CWH43: variants seen among roughly 807,000 people sequenced by gnomAD.
CWH43 encodes the protein cell wall biogenesis 43 C-terminal homolog.
A neutral mutation model predicts 85.7 loss-of-function variants in CWH43; 91 were observed. That is an observed-to-expected ratio of 1.06 (90% CI 0.90 to 1.26). The LOEUF is 1.26. CWH43 is among the 50% of genes most tolerant of loss of function. The pLI is 0.00. For missense variants in CWH43, 869 were observed against 839.2 expected (o/e 1.04, Z -0.44); for synonymous variants, 323 against 293.6 (o/e 1.10, Z -1.02).
chr4:49,045,688 A>G (rs1048981748), intron 14 of CWH43, among the ~76,000 whole-genome samples: 9 of 152,194 alleles, frequency 5.9e-5, no homozygotes, highest in African/African-American at 2.2e-4. Context: ...ACACAATGAC[A>G]AAATCGCCTT....
Position 49,038,186 on chromosome 4 carries a change from A to G in CWH43, c.1803+6A>G, listed in dbSNP as rs1016752536. 17 of 1,540,276 alleles carry G rather than the reference A, an allele frequency of 1.1e-5. No individual in the cohort carries two copies. Among genetic ancestry groups the G allele is most frequent in the Admixed American group, 4.2e-5 (2 of 47,092 alleles). On this transcript the variant is annotated splice_donor_region_variant and intron_variant, in intron 13 of 15. Transcript: ENST00000226432. ...CTGAACATGGCAATGTGAAGGTAAC[A>G]TAATCTTAATAGGATTTCTAATTTA...
At chr4:49,036,656 T>C (rs754341697) in intron 12 of CWH43, among the ~76,000 whole-genome samples, 1 of 152,234 alleles carries the variant, frequency 6.6e-6, no homozygotes, top group Non-Finnish European at 1.5e-5. Context: ...CTGGGCACCA[T>C]TCCTTGCTCT....
intron 13 of CWH43, among the ~76,000 whole-genome samples, chr4:49,041,296 C>T (rs968558473): frequency 2.0e-5 from 3 of 152,046 alleles, no homozygotes; most frequent in Non-Finnish European, 2.9e-5. Flanking sequence ...CATTGGTAGC[C>T]TGATGGGGAT....
chr4:49,016,279 T>C (rs1276549801), intron 8 of CWH43, among the ~76,000 whole-genome samples: 1 of 152,170 alleles, frequency 6.6e-6, no homozygotes, highest in Non-Finnish European at 1.5e-5. Flanking sequence ...TTTTTTTCCC[T>C]AGTGCCATGT....
At chr4:49,001,521 C>T (rs142538124) in intron 6 of CWH43, among the ~76,000 whole-genome samples, 2 of 152,104 alleles carry the variant, frequency 1.3e-5, no homozygotes, top group Non-Finnish European at 2.9e-5. Context: ...ATATGTATTT[C>T]TTTGTATGTG....
At chr4:49,039,029 G>T (rs1226792258) in intron 13 of CWH43, among the ~76,000 whole-genome samples, 1 of 150,780 alleles carries the variant, frequency 6.6e-6, no homozygotes, top group Non-Finnish European at 1.5e-5. Flanking sequence ...CTACACTCCA[G>T]CCTGGGTGAC....
intron 5 of CWH43, 62 bp downstream of exon 5, chr4:48,994,882 C>T (rs147719750): frequency 0.019 from 24,604 of 1,319,470 alleles, 319 homozygotes; most frequent in Non-Finnish European, 0.024. Flanking sequence ...AGCAATGCCT[C>T]CTTTGTCAGA....
intron 9 of CWH43, among the ~76,000 whole-genome samples, chr4:49,020,617 C>T (rs1783722812): frequency 6.6e-6 from 1 of 152,042 alleles, no homozygotes; most frequent in Non-Finnish European, 1.5e-5. Flanking sequence ...ATTTTTAGTT[C>T]TTTAAGGAAT....
intron 13 of CWH43, among the ~76,000 whole-genome samples, chr4:49,040,896 A>C (rs1784438250): frequency 6.6e-6 from 1 of 152,212 alleles, no homozygotes; most frequent in African/African-American, 2.4e-5. Context: ...TGAAGTCTTT[A>C]ATCCATCTTG....
chr4:49,018,070 C>A (rs537423093), intron 9 of CWH43, among the ~76,000 whole-genome samples: 1 of 151,898 alleles, frequency 6.6e-6, no homozygotes, highest in African/African-American at 2.4e-5. Flanking sequence ...GATTTCCTGA[C>A]CTTGTGATCC....
chr4:49,023,951 C>A lies in CWH43; in HGVS notation c.1267-4678C>A, dbSNP rs62295194. Among the ~76,000 whole-genome samples the A allele has an allele frequency of 9.1e-3, 1,384 of 152,242 alleles. 24 individuals are homozygous for A. The highest frequency in any genetic ancestry group is 0.042 in the East Asian group (217 of 5,182). ...AGTGCTGTCAGTGCAGTACTGGAGT[C>A]CCCACTGTTACTGTGCTGCTATCTA... is the stretch of plus-strand genomic sequence containing the variant. On this transcript the variant is annotated intron_variant, in intron 9 of 15. Transcript: ENST00000226432.
intron 15 of CWH43, among the ~76,000 whole-genome samples, chr4:49,058,295 T>TA (rs1228774584): frequency 2.0e-5 from 3 of 152,168 alleles, no homozygotes; most frequent in African/African-American, 7.2e-5. Context: ...GAGTCTTACA[T>TA]AAAACATAAC....
chr4:49,052,488 T>G (rs985945226), intron 15 of CWH43, among the ~76,000 whole-genome samples: 12 of 152,220 alleles, frequency 7.9e-5, no homozygotes, highest in African/African-American at 2.9e-4. Context: ...TTTGCAGTAG[T>G]AATGGTAGAA....
intron 13 of CWH43, among the ~76,000 whole-genome samples, chr4:49,043,231 A>C (rs550090003): frequency 7.3e-4 from 111 of 152,352 alleles, no homozygotes; most frequent in Non-Finnish European, 1.3e-3. Flanking sequence ...TCAGACTTAC[A>C]TGACATATAT....
intron 2 of CWH43, among the ~76,000 whole-genome samples, chr4:48,990,189 T>C (rs1345343542): frequency 1.3e-5 from 2 of 152,212 alleles, no homozygotes; most frequent in African/African-American, 2.4e-5. Context: ...GATATTGTAT[T>C]TTATTTTGAT....
chr4:49,031,176 T>A (rs1295306335), intron 11 of CWH43: 21 of 458,586 alleles, frequency 4.6e-5, no homozygotes. Context: ...TATAAACCAA[T>A]CAATCTAGGA....
At chr4:48,988,355 G>A in intron 1 of CWH43, 122 bp from the exon 2 acceptor site, 1 of 669,334 alleles carries the variant, frequency 1.5e-6, no homozygotes, top group Non-Finnish European at 2.4e-6. Flanking sequence ...CTGGAACCCA[G>A]TTCAGGCCAG....
intron 13 of CWH43, among the ~76,000 whole-genome samples, chr4:49,041,878 A>G (rs1456282668): frequency 2.0e-5 from 3 of 152,190 alleles, no homozygotes; most frequent in Admixed American, 2.0e-4. Flanking sequence ...CTTATATTTC[A>G]CTGGCAGAAA....
chr4:49,046,023 C>T (rs1231150296), intron 14 of CWH43, among the ~76,000 whole-genome samples: 2 of 152,070 alleles, frequency 1.3e-5, no homozygotes, highest in Non-Finnish European at 2.9e-5. Context: ...CCTGTTCTCC[C>T]CCATTGCTGG....
Sources: allele counts gnomAD v4.1 joint callset (sites outside exome capture counted in the v4.1 genomes callset), GRCh38; gene constraint gnomAD v4.1.1; transcripts MANE v1.5; gene names NCBI Gene and HGNC (gene_info 2026-07-23, HGNC 2026-07-21).